The following CCDC192 variants were observed in gnomAD, a reference collection of about 807,000 sequenced individuals.
CCDC192 encodes the protein coiled-coil domain-containing protein 192.
chr5:127,752,485 T>C (rs1159818873), intron 2 of CCDC192, among the ~76,000 whole-genome samples: 1 of 152,246 alleles, frequency 6.6e-6, no homozygotes, highest in East Asian at 1.9e-4. Context: ...GATCTCCAGC[T>C]GTGTACTGGA....
chr5:127,880,438 T>C (rs12332206), intron 6 of CCDC192, among the ~76,000 whole-genome samples: 1 of 122,434 alleles, frequency 8.2e-6, no homozygotes, highest in African/African-American at 3.1e-5. Context: ...AATATCACAC[T>C]CTGGGGACTG....
At chr5:127,872,170 A>G (rs1751890582) in intron 5 of CCDC192, among the ~76,000 whole-genome samples, 1 of 152,244 alleles carries the variant, frequency 6.6e-6, no homozygotes, top group Non-Finnish European at 1.5e-5. Context: ...AAAAAAAAAG[A>G]TGAAGATGTT....
chr5:127,751,414 CTTTTCT>C (rs1754162855), intron 2 of CCDC192, among the ~76,000 whole-genome samples: 1 of 151,938 alleles, frequency 6.6e-6, no homozygotes, highest in Non-Finnish European at 1.5e-5. Context: ...GTTGAAAATT[CTTTTCT>C]TTAAGAATGT....
chr5:127,742,315 C>G (rs1753464258), intron 2 of CCDC192, among the ~76,000 whole-genome samples: 2 of 152,148 alleles, frequency 1.3e-5, no homozygotes, highest in African/African-American at 2.4e-5. Context: ...TCTGAGTCAA[C>G]AATTTCTTTC....
chr5:127,835,072 T>G lies in CCDC192; in HGVS notation c.411+36910T>G, dbSNP rs115003190. On this transcript the variant is annotated intron_variant, in intron 5 of 6. Transcript: ENST00000514853. The stretch of plus-strand genomic sequence containing the variant: ...AGAAAAGAAATAAAAGTAATGATCA[T>G]GTCTTTAAATCCTATTTAAGCTAAA... Among the ~76,000 whole-genome samples, 1,175 of 152,332 alleles carry G rather than the reference T, an allele frequency of 7.7e-3. 23 individuals carry two copies. Among genetic ancestry groups the G allele is most frequent in the African/African-American group, 0.027 (1,115 of 41,572 alleles).
At chr5:127,861,069 C>T (rs1010190280) in intron 5 of CCDC192, among the ~76,000 whole-genome samples, 7 of 151,948 alleles carry the variant, frequency 4.6e-5, no homozygotes, top group African/African-American at 7.2e-5. Context: ...AATGCAATGG[C>T]GCAATCTTGG....
intron 2 of CCDC192, among the ~76,000 whole-genome samples, chr5:127,747,371 C>T (rs1388216968): frequency 6.6e-6 from 1 of 151,580 alleles, no homozygotes; most frequent in Non-Finnish European, 1.5e-5. Flanking sequence ...GTTTTTTGTC[C>T]TTGTGATAGT....
chr5:127,882,697 T>A (rs1415397891), intron 6 of CCDC192, among the ~76,000 whole-genome samples: 1 of 152,238 alleles, frequency 6.6e-6, no homozygotes, highest in Non-Finnish European at 1.5e-5. Context: ...CAAGTGTAAG[T>A]GTATTTTAAA....
intron 5 of CCDC192, among the ~76,000 whole-genome samples, chr5:127,799,024 C>T (rs1259012967): frequency 6.6e-6 from 1 of 152,138 alleles, no homozygotes; most frequent in African/African-American, 2.4e-5. Context: ...GACATCTCCT[C>T]AAAGACTTGA....
intron 6 of CCDC192, among the ~76,000 whole-genome samples, chr5:127,914,150 G>A (rs1753451743): frequency 6.6e-6 from 1 of 152,178 alleles, no homozygotes; most frequent in Admixed American, 6.5e-5. Context: ...ATTTCATGGA[G>A]AAAATAAGGC....
chr5:127,845,432 G>A lies in CCDC192; in HGVS notation c.412-30106G>A, dbSNP rs1750489667. 2.0e-5 allele frequency among the ~76,000 whole-genome samples: 3 copies of A among 152,196 alleles called. No homozygotes were observed. The South Asian group carries it at 6.2e-4, about 32-fold the overall frequency. The stretch of plus-strand genomic sequence containing the variant: ...ATTTATAGCTGTGAATAGTACTGAG[G>A]AGAGAGTTGAAGTAATAGGACGAGG... On this transcript the variant is annotated intron_variant, in intron 5 of 6. Coordinates refer to ENST00000514853, the MANE Select transcript of CCDC192 (RefSeq NM_001317938.2).
At chr5:127,716,968 C>G (rs1016825753) in intron 2 of CCDC192, among the ~76,000 whole-genome samples, 5 of 152,106 alleles carry the variant, frequency 3.3e-5, no homozygotes, top group Admixed American at 2.0e-4. Flanking sequence ...CTCATACAAT[C>G]ACAAATATCA....
intron 6 of CCDC192, among the ~76,000 whole-genome samples, chr5:127,886,090 C>T (rs1001742877): frequency 7.2e-5 from 11 of 152,138 alleles, no homozygotes; most frequent in African/African-American, 2.7e-4. Flanking sequence ...AATGTTACTG[C>T]TCTTCTGCAC....
At chr5:127,831,362 G>T (rs1749786964) in intron 5 of CCDC192, among the ~76,000 whole-genome samples, 1 of 151,878 alleles carries the variant, frequency 6.6e-6, no homozygotes, top group Non-Finnish European at 1.5e-5. Context: ...GTGTGTGTGT[G>T]CGTGTGTATA....
intron 5 of CCDC192, among the ~76,000 whole-genome samples, chr5:127,869,754 T>C (rs1751768522): frequency 6.6e-6 from 1 of 152,222 alleles, no homozygotes. Context: ...AGTCAGGTTG[T>C]TTGTTGAATT....
At chr5:127,760,922 T>C (rs1754885751) in intron 3 of CCDC192, among the ~76,000 whole-genome samples, 1 of 152,062 alleles carries the variant, frequency 6.6e-6, no homozygotes, top group South Asian at 2.1e-4. Context: ...AAATTACCCG[T>C]AATTTGTATT....
chr5:127,895,373 A>C (rs1229190701), intron 6 of CCDC192, among the ~76,000 whole-genome samples: 1 of 152,242 alleles, frequency 6.6e-6, no homozygotes, highest in Non-Finnish European at 1.5e-5. Flanking sequence ...CAACGCCCAG[A>C]GAGATCAAAA....
At chr5:127,747,854 C>T (rs1376300872) in intron 2 of CCDC192, among the ~76,000 whole-genome samples, 3 of 148,540 alleles carry the variant, frequency 2.0e-5, no homozygotes, top group Non-Finnish European at 4.5e-5. Flanking sequence ...TCTCTGATGG[C>T]CAGTGATGGT....
chr5:127,715,147 A>G (rs1751558424), intron 2 of CCDC192, among the ~76,000 whole-genome samples: 1 of 152,068 alleles, frequency 6.6e-6, no homozygotes, highest in South Asian at 2.1e-4. Flanking sequence ...CATTTGTCTA[A>G]TTTTGCTTTT....
Sources: allele counts gnomAD v4.1 joint callset (sites outside exome capture counted in the v4.1 genomes callset), GRCh38; gene constraint gnomAD v4.1.1; transcripts MANE v1.5; gene names NCBI Gene and HGNC (gene_info 2026-07-23, HGNC 2026-07-21).